SPAM1: variants seen among roughly 807,000 people sequenced by gnomAD.
SPAM1 encodes the protein hyaluronidase PH-20.
In SPAM1, 22 loss-of-function variants were observed where a neutral mutation model predicts 29.6. The observed-to-expected ratio is 0.74, with a 90% CI of 0.53 to 1.06. The LOEUF (loss-of-function observed/expected upper bound fraction) is 1.06, where lower values mean the gene tolerates loss of function less well. Among genes scored for constraint, SPAM1 ranks in the 50% least tolerant of loss-of-function variants. The pLI is 0.00. For missense variants in SPAM1, 534 were observed against 604.0 expected, an observed-to-expected ratio of 0.88 and a Z score of 1.21; for synonymous variants, 194 against 204.6, an observed-to-expected ratio of 0.95 and a Z score of 0.44.
intron 1 of SPAM1, among the ~76,000 whole-genome samples, chr7:123,936,621 G>A (rs1041046694): frequency 1.5e-4 from 23 of 152,214 alleles, no homozygotes; most frequent in African/African-American, 5.1e-4. Context: ...GTTTAATGCT[G>A]AGTGTGCTGC....
At chr7:123,960,237 T>C (rs1792341546), downstream of SPAM1, among the ~76,000 whole-genome samples, 1 of 151,990 alleles carries the variant, frequency 6.6e-6, no homozygotes, top group African/African-American at 2.4e-5. Flanking sequence ...ACTCATATTA[T>C]CTGTTTCACT....
intron 1 of SPAM1, among the ~76,000 whole-genome samples, chr7:123,941,317 C>T (rs1427077283): frequency 1.3e-5 from 2 of 152,152 alleles, no homozygotes; most frequent in African/African-American, 4.8e-5. Context: ...TGCTTTTATA[C>T]ATTTTAAGGA....
At chr7:123,970,592 A>AAATAATAATAATAATAATAATAATAAT (rs150055865) in intron 6 of SPAM1, among the ~76,000 whole-genome samples, 1 of 146,230 alleles carries the variant, frequency 6.8e-6, no homozygotes, top group African/African-American at 2.6e-5. Flanking sequence ...CCATCTCTAC[A>AAATAATAATAATAATAATAATAATAAT]AATAATAATA....
Position 123,959,912 on chromosome 7 carries a change from C to T in SPAM1, c.1473C>T (p.Ala491=), listed in dbSNP as rs760287372. Reference sequence around the variant, plus strand: ...ATGCTTCACCCTCCACACTATCTGCCACAATGTTCATTGTTAGTATTTTGT... The same window carrying T: ...ATGCTTCACCCTCCACACTATCTGCTACAATGTTCATTGTTAGTATTTTGT... ...FYNASPSTLS[A]TMFIVSILFL... The change falls in exon 5 of 5, where the codon GCC becomes GCT. Residue 491 remains alanine (A), a synonymous_variant. Transcript: ENST00000682466. 21 of 1,612,016 alleles carry T rather than the reference C, an allele frequency of 1.3e-5. No individual in the cohort carries two copies.
chr7:123,970,609 ATTATTATTATTATTATAG>A (rs1792485871), intron 6 of SPAM1, among the ~76,000 whole-genome samples: 1 of 108,094 alleles, frequency 9.3e-6, no homozygotes, highest in Non-Finnish European at 2.1e-5. Flanking sequence ...AATAATAATA[ATTATTATTATTATTATAG>A]TAAGGCACTA....
Position 123,953,584 on chromosome 7 carries a change from A to C in SPAM1, c.14A>C (p.Lys5Thr). MGVLKFKHIFFRSFV... is the reference protein window; with the variant it reads MGVLTFKHIFFRSFV... ...TTACTCTTTACAATGGGAGTGCTAA[A>C]ATTCAAGCACATCTTTTTCAGAAGC... Residue 5 changes from lysine to threonine, a missense_variant, in exon 3 of 5, where the codon AAA (lysine) becomes ACA (threonine). Physicochemically the swap from Lys to Thr is moderately conservative, Grantham distance 78. Coordinates refer to ENST00000682466, the MANE Select transcript of SPAM1 (RefSeq NM_153189.3). 3 of 1,593,194 alleles carry C rather than the reference A, an allele frequency of 1.9e-6. No individual in the cohort carries two copies. The highest frequency in any genetic ancestry group is 2.6e-6 in the Non-Finnish European group (3 of 1,172,004).
chr7:123,966,527 A>G (rs764220788), intron 5 of SPAM1, among the ~76,000 whole-genome samples: 1 of 152,102 alleles, frequency 6.6e-6, no homozygotes, highest in Non-Finnish European at 1.5e-5. Context: ...CTAAATGCCT[A>G]TCAATGATAG....
chr7:123,937,672 AGATTTAG>A (rs1370331818), intron 1 of SPAM1, among the ~76,000 whole-genome samples: 1 of 151,684 alleles, frequency 6.6e-6, no homozygotes, highest in Non-Finnish European at 1.5e-5. Flanking sequence ...GAATTTAGAT[AGATTTAG>A]GAATTACTGA....
intron 5 of SPAM1, among the ~76,000 whole-genome samples, chr7:123,967,578 G>T (rs1194478830): frequency 6.6e-6 from 1 of 151,788 alleles, no homozygotes; most frequent in Admixed American, 6.6e-5. Flanking sequence ...AAACAGCATG[G>T]TGTATGTGCG....
chr7:123,938,712 G>A (rs568564295), intron 1 of SPAM1, among the ~76,000 whole-genome samples: 15 of 152,186 alleles, frequency 9.9e-5, no homozygotes, highest in Admixed American at 9.8e-4. Flanking sequence ...CATCTGACTG[G>A]TCGAGAGAAG....
rs114309210 is a variant in SPAM1 at position 123,930,984 on chromosome 7, C to T, written c.-319+5632C>T. Among the ~76,000 whole-genome samples, 1,415 of 152,170 alleles carry T rather than the reference C, an allele frequency of 9.3e-3. 29 individuals carry two copies. Among genetic ancestry groups the T allele is most frequent in the African/African-American group, 0.032 (1,334 of 41,480 alleles). On this transcript the variant is annotated intron_variant, in intron 1 of 4. Coordinates refer to ENST00000682466, the MANE Select transcript of SPAM1 (RefSeq NM_153189.3). ...GGTTGGCCACTCCTGGATTCTTACA[C>T]CACAGGGTCATTGTCAGGGTGTTCT...
chr7:123,940,931 AT>A (rs1319079222), intron 1 of SPAM1, among the ~76,000 whole-genome samples: 3 of 152,216 alleles, frequency 2.0e-5, no homozygotes, highest in African/African-American at 7.2e-5. Flanking sequence ...AGGATTCAAT[AT>A]TTCCAATTCA....
At chr7:123,940,729 C>G (rs1808403333) in intron 1 of SPAM1, among the ~76,000 whole-genome samples, 2 of 152,122 alleles carry the variant, frequency 1.3e-5, no homozygotes, top group South Asian at 4.1e-4. Flanking sequence ...CTCCTGGCCT[C>G]AAGTGATCCT....
At chr7:123,950,087 C>G (rs1808712122) in intron 2 of SPAM1, 104 bp downstream of exon 2, 1 of 151,892 alleles carries the variant, frequency 6.6e-6, no homozygotes, top group Non-Finnish European at 1.5e-5. Context: ...AAAAATGCAA[C>G]TTTAATAGGT....
intron 1 of SPAM1, among the ~76,000 whole-genome samples, chr7:123,935,875 A>G (rs1424161907): frequency 1.3e-5 from 2 of 152,086 alleles, no homozygotes; most frequent in African/African-American, 4.8e-5. Flanking sequence ...ATCCTAACCT[A>G]TTTTATCCTA....
intron 4 of SPAM1, among the ~76,000 whole-genome samples, chr7:123,956,725 G>T (rs938163097): frequency 2.6e-5 from 4 of 151,910 alleles, no homozygotes; most frequent in African/African-American, 9.7e-5. Context: ...ATGCTCTTGA[G>T]ATTATTTACA....
At chr7:123,944,146 C>T (rs559837040) in intron 1 of SPAM1, among the ~76,000 whole-genome samples, 1 of 152,168 alleles carries the variant, frequency 6.6e-6, no homozygotes, top group South Asian at 2.1e-4. Flanking sequence ...TCTCACATGC[C>T]TAGCTCTTCT....
rs765560701 is a variant in SPAM1 at position 123,954,983 on chromosome 7, G to A, written c.955-14G>A. 1 of 1,593,764 alleles carries A rather than the reference G, an allele frequency of 6.3e-7. No homozygotes were observed. Among genetic ancestry groups the A allele is most frequent in the East Asian group, 2.2e-5 (1 of 44,666 alleles). ...TCATTTTTATCTGCTAACTCTTTCTGTCACATTTTCCAGGATGAACTTGTG... is the reference window on the plus strand; with the variant it reads ...TCATTTTTATCTGCTAACTCTTTCTATCACATTTTCCAGGATGAACTTGTG... On this transcript the variant is annotated splice_polypyrimidine_tract_variant and intron_variant, in intron 3 of 4. Coordinates refer to ENST00000682466, the MANE Select transcript of SPAM1 (RefSeq NM_153189.3).
At chr7:123,955,187 G>A in intron 4 of SPAM1, 101 bp downstream of exon 4, 2 of 800,050 alleles carry the variant, frequency 2.5e-6, no homozygotes, top group Admixed American at 1.9e-5. Flanking sequence ...ACTATGCTTG[G>A]CATGTAGTAA....
Sources: allele counts gnomAD v4.1 joint callset (sites outside exome capture counted in the v4.1 genomes callset), GRCh38; gene constraint gnomAD v4.1.1; transcripts MANE v1.5; gene names NCBI Gene and HGNC (gene_info 2026-07-23, HGNC 2026-07-21).